The following TDRD3 variants were observed in gnomAD, a reference collection of about 807,000 sequenced individuals.
TDRD3 encodes the protein tudor domain-containing protein 3.
Under a neutral mutation model 86.7 loss-of-function variants are expected in TDRD3, and 45 were observed. That is an observed-to-expected ratio of 0.52 (90% CI 0.41 to 0.67). The LOEUF is 0.67. Ranked by LOEUF, TDRD3 falls within the 30% of genes least tolerant of loss-of-function variation. The probability of loss-of-function intolerance (pLI) is 0.00; values close to 1 mark genes in which losing one functional copy is unlikely to be tolerated. For missense variants in TDRD3, 814 were observed against 889.0 expected (o/e 0.92, Z 1.07); for synonymous variants, 298 against 301.7 (o/e 0.99, Z 0.13).
chr13:60,535,432 T>A, intron 12 of TDRD3, 199 bp downstream of exon 12: 1 of 466,036 alleles, frequency 2.1e-6, no homozygotes, highest in Non-Finnish European at 3.3e-6. Context: ...TTGAATTACT[T>A]TTCTTGTATA....
intron 12 of TDRD3, among the ~76,000 whole-genome samples, chr13:60,545,214 A>G (rs1307955524): frequency 6.6e-6 from 1 of 152,202 alleles, no homozygotes; most frequent in Non-Finnish European, 1.5e-5. Context: ...AGATGATACC[A>G]GTCTGGGAAC....
At chr13:60,462,882 A>T (rs1037062311) in intron 4 of TDRD3, among the ~76,000 whole-genome samples, 2 of 152,330 alleles carry the variant, frequency 1.3e-5, no homozygotes, top group East Asian at 3.9e-4. Context: ...ACAAATCTAT[A>T]GTAACCAAAA....
At chr13:60,414,971 C>T (rs1954462060) in intron 1 of TDRD3, among the ~76,000 whole-genome samples, 2 of 151,810 alleles carry the variant, frequency 1.3e-5, no homozygotes, top group South Asian at 4.1e-4. Context: ...GTTGAAAAAC[C>T]TGTTAAAACA....
At chr13:60,501,309 C>T (rs754507582) in intron 8 of TDRD3, among the ~76,000 whole-genome samples, 4 of 152,168 alleles carry the variant, frequency 2.6e-5, no homozygotes, top group Admixed American at 6.5e-5. Flanking sequence ...TAGGATCAAT[C>T]TAAAGGTCCT....
chr13:60,521,725 G>C (rs1013345442), intron 10 of TDRD3, among the ~76,000 whole-genome samples: 1 of 152,014 alleles, frequency 6.6e-6, no homozygotes, highest in Admixed American at 6.6e-5. Context: ...GAGAAACCCC[G>C]TCTCTACTAA....
chr13:60,521,845 C>T (rs986944784), intron 10 of TDRD3, among the ~76,000 whole-genome samples: 16 of 151,770 alleles, frequency 1.1e-4, no homozygotes, highest in African/African-American at 2.9e-4. Context: ...TGCGGTGAGC[C>T]GAGATCGCAC....
At chr13:60,400,287 A>C (rs1264764239) in intron 1 of TDRD3, among the ~76,000 whole-genome samples, 1 of 152,234 alleles carries the variant, frequency 6.6e-6, no homozygotes, top group Admixed American at 6.5e-5. Flanking sequence ...GATATCCCTG[A>C]TCACTGTGAG....
chr13:60,431,183 TC>T (rs1276566425), intron 1 of TDRD3, among the ~76,000 whole-genome samples: 5 of 152,018 alleles, frequency 3.3e-5, no homozygotes, highest in African/African-American at 1.2e-4. Flanking sequence ...TTCTTTGTTA[TC>T]CCTACTCTCC....
At chr13:60,474,112 G>A (rs1956131814) in intron 5 of TDRD3, among the ~76,000 whole-genome samples, 1 of 152,162 alleles carries the variant, frequency 6.6e-6, no homozygotes, top group African/African-American at 2.4e-5. Flanking sequence ...CTTTTAGATA[G>A]CAGTAGCAGA....
At chr13:60,435,378 G>A (rs897700410) in intron 1 of TDRD3, among the ~76,000 whole-genome samples, 2 of 152,032 alleles carry the variant, frequency 1.3e-5, no homozygotes, top group African/African-American at 4.8e-5. Context: ...CTCAAGCAGT[G>A]TACACTGTAC....
rs558386820 is a variant in TDRD3 at position 60,457,871 on chromosome 13, G to A, written c.193-2509G>A. Among the ~76,000 whole-genome samples, 26 of 152,210 alleles carry A rather than the reference G, an allele frequency of 1.7e-4. No homozygotes were observed. The East Asian group carries it at 3.7e-3, about 21-fold the overall frequency. On this transcript the variant is annotated intron_variant, in intron 3 of 13. Transcript: ENST00000377881. Reference sequence around the variant, plus strand: ...TTCAAATGGTCTTTATACTCTGTCTGTGTTTGTTTCCCCTTCTCTTCTAAG... The same window carrying A: ...TTCAAATGGTCTTTATACTCTGTCTATGTTTGTTTCCCCTTCTCTTCTAAG...
upstream of TDRD3, among the ~76,000 whole-genome samples, chr13:60,396,186 G>A (rs903440213): frequency 2.6e-5 from 4 of 152,224 alleles, no homozygotes; most frequent in African/African-American, 9.7e-5. Context: ...AGCGGCAAGC[G>A]GCGGAGATAG....
upstream of TDRD3, among the ~76,000 whole-genome samples, chr13:60,395,587 C>A (rs572795806): frequency 4.6e-5 from 7 of 152,200 alleles, no homozygotes; most frequent in East Asian, 7.7e-4. Context: ...CTGAATCACA[C>A]GACATGTGAG....
rs767705603 is a variant in TDRD3 at position 60,435,918 on chromosome 13, G to GTTTTTTTTTTTTT, written c.42-3769_42-3757dup. 3.1e-4 allele frequency among the ~76,000 whole-genome samples: 39 copies of GTTTTTTTTTTTTT among 124,788 alleles called. 3 individuals carry two copies. The highest frequency in any genetic ancestry group is 6.5e-4 in the Non-Finnish European group (36 of 55,114). The allele number at this position is 124,788 out of a possible 152,430, so 81.9% of individuals were successfully genotyped here. ...AAACCACATCATGACAACATCTATG[G>GTTTTTTTTTTTTT]TTTTTTTTTTTTTACTTTTTAATTA... is the stretch of plus-strand genomic sequence containing the variant. On this transcript the variant is annotated intron_variant, in intron 1 of 13. Transcript: ENST00000377881.
At chr13:60,551,111 T>C (rs1412902726) in intron 12 of TDRD3, among the ~76,000 whole-genome samples, 2 of 152,182 alleles carry the variant, frequency 1.3e-5, no homozygotes, top group Non-Finnish European at 2.9e-5. Flanking sequence ...TTCCTTTTGG[T>C]CTACTTATAT....
chr13:60,509,858 A>T lies in TDRD3; in HGVS notation c.954A>T (p.Ala318=), dbSNP rs762431925. 1 of 1,613,824 alleles carries T rather than the reference A, an allele frequency of 6.2e-7. No homozygotes were observed. The highest frequency in any genetic ancestry group is 1.3e-5 in the African/African-American group (1 of 74,948). The change falls in exon 9 of 14, where the codon GCA becomes GCT. Residue 318 remains alanine, a synonymous_variant. Coordinates refer to ENST00000377881, the MANE Select transcript of TDRD3 (RefSeq NM_001146070.2). ...TGGATAATGGCAACAACTTAGAAGC[A>T]GCACTGAACGTACTTCTTACAAGCA... ...ALMDNGNNLE[A]ALNVLLTSNK...
At chr13:60,564,030 G>A (rs1266251174) in intron 12 of TDRD3, among the ~76,000 whole-genome samples, 1 of 152,168 alleles carries the variant, frequency 6.6e-6, no homozygotes, top group African/African-American at 2.4e-5. Context: ...TGGCGTCAAT[G>A]ATTATTGCGG....
chr13:60,527,722 T>A (rs1205714693), intron 10 of TDRD3, among the ~76,000 whole-genome samples: 1 of 152,226 alleles, frequency 6.6e-6, no homozygotes, highest in African/African-American at 2.4e-5. Flanking sequence ...TTTTTCGGTA[T>A]TTCCACTTTT....
At chr13:60,556,161 A>C (rs1276212418) in intron 12 of TDRD3, among the ~76,000 whole-genome samples, 2 of 152,080 alleles carry the variant, frequency 1.3e-5, no homozygotes, top group Non-Finnish European at 2.9e-5. Context: ...TATTTCTTTT[A>C]ACCTATTATT....
Sources: gnomAD v4.1 joint callset for allele counts (sites outside exome capture counted in the v4.1 genomes callset) on GRCh38, gnomAD v4.1.1 for gene constraint, MANE v1.5 for transcripts, NCBI Gene and HGNC (gene_info 2026-07-23, HGNC 2026-07-21) for gene names.